Variants in ROCK2 observed in about 807,000 individuals in gnomAD.
ROCK2 encodes the protein rho-associated protein kinase 2.
ROCK2 carries 61 observed loss-of-function variants against 195.1 expected under a neutral mutation model. The observed-to-expected ratio is 0.31, with a 90% CI of 0.25 to 0.39. ROCK2 has a LOEUF of 0.39. Among genes scored for constraint, ROCK2 ranks in the 10% least tolerant of loss-of-function variants. The pLI, the probability that ROCK2 is intolerant of heterozygous loss-of-function variation, is 1.00. For synonymous variants in ROCK2, 504 were observed against 545.5 expected (o/e 0.92, Z 1.06); for missense variants, 1,109 against 1,637.4 (o/e 0.68, Z 5.57).
chr2:11,291,777 T>C (rs538140534), intron 1 of ROCK2, among the ~76,000 whole-genome samples: 17 of 152,226 alleles, frequency 1.1e-4, no homozygotes, highest in Admixed American at 7.8e-4. Context: ...TTTAAAGCTA[T>C]AAAACTGGGT....
intron 3 of ROCK2, among the ~76,000 whole-genome samples, chr2:11,273,319 T>C (rs1666712740): frequency 6.6e-6 from 1 of 152,110 alleles, no homozygotes; most frequent in South Asian, 2.1e-4. Flanking sequence ...AGTGGAAGGA[T>C]GGAAATAGTA....
chr2:11,252,927 A>G (rs1054050979), intron 3 of ROCK2, among the ~76,000 whole-genome samples: 1 of 146,472 alleles, frequency 6.8e-6, no homozygotes, highest in Non-Finnish European at 1.5e-5. Context: ...CATGTATCCC[A>G]GAACTTAAAA....
Position 11,235,877 on chromosome 2 carries a change from T to C in ROCK2, c.548A>G (p.Asn183Ser), listed in dbSNP as rs1170615120. Residue 183 changes from asparagine to serine, a missense_variant, in exon 5 of 33, where the codon AAT (asparagine) becomes AGT (serine). By Grantham distance (46) the Asn-to-Ser change is conservative. This residue lies in a region of ROCK2 where 253 missense variants were observed against 455.5 expected (regional missense o/e 0.56). Transcript: ENST00000315872. The surrounding 1 kb of genome is among the most constrained non-coding windows in gnomAD (Gnocchi z 4.2). ...GGCCCATTTTTCAGGCACATCATAA[T>C]TACTCATAAGGTTTACAAGGTCTCC... ...PGGDLVNLMSNYDVPEKWAKF... is the reference protein window; with the variant it reads ...PGGDLVNLMSSYDVPEKWAKF... The C allele has an allele frequency of 6.2e-7, 1 of 1,613,926 alleles. No homozygotes were observed. Among genetic ancestry groups the C allele is most frequent in the Non-Finnish European group, 8.5e-7 (1 of 1,179,920 alleles).
At chr2:11,214,587 T>G in intron 16 of ROCK2, 124 bp from the exon 17 acceptor site, 1 of 673,060 alleles carries the variant, frequency 1.5e-6, no homozygotes, top group Non-Finnish European at 2.5e-6. Context: ...AGTTTTATAC[T>G]TGTTGGTATT....
At chr2:11,298,154 A>G (rs1390858268) in intron 1 of ROCK2, among the ~76,000 whole-genome samples, 4 of 152,130 alleles carry the variant, frequency 2.6e-5, no homozygotes, top group African/African-American at 9.7e-5. Flanking sequence ...GGTGCATTGG[A>G]TAATAATGAA....
At position 11,205,218 on chromosome 2, in the gene ROCK2, A is replaced by G. The variant is rs1201749271; in HGVS notation, c.2549+2508T>C. On this transcript the variant is annotated intron_variant, in intron 20 of 32. Coordinates refer to ENST00000315872, the MANE Select transcript of ROCK2 (RefSeq NM_004850.5). ...TGGTGGGAGGTGCCTGGCTGCAGACATATCTGCAAGGTTAATGGTAGAGTA... is the reference window on the plus strand; with the variant it reads ...TGGTGGGAGGTGCCTGGCTGCAGACGTATCTGCAAGGTTAATGGTAGAGTA... Among the ~76,000 whole-genome samples the G allele has an allele frequency of 2.6e-5, 4 of 152,204 alleles. No individual in the cohort carries two copies. In the East Asian group the frequency reaches 7.7e-4, roughly 29 times the overall value.
chr2:11,292,714 CCT>C (rs1357643649), intron 1 of ROCK2, among the ~76,000 whole-genome samples: 2 of 152,104 alleles, frequency 1.3e-5, no homozygotes, highest in South Asian at 2.1e-4. Flanking sequence ...TAACACATTT[CCT>C]CTGTTTGCTA....
intron 1 of ROCK2, chr2:11,307,927 T>C: frequency 1.4e-6 from 2 of 1,407,914 alleles, no homozygotes; most frequent in Non-Finnish European, 1.9e-6. Context: ...GCGGTCCTCC[T>C]GGCCCTGTTA....
chr2:11,219,336 C>CAAAAAAAA lies in ROCK2; in HGVS notation c.1260-318_1260-311dup, dbSNP rs35159426. On this transcript the variant is annotated intron_variant, in intron 9 of 32. Coordinates refer to ENST00000315872, the MANE Select transcript of ROCK2 (RefSeq NM_004850.5). ...TCAACATGGTGAAACCTTATCTCTA[C>CAAAAAAAA]AAAAAAAAAAAAAAAAAAAAAAAAA... is the stretch of plus-strand genomic sequence containing the variant. Among the ~76,000 whole-genome samples the CAAAAAAAA allele has an allele frequency of 1.8e-3, 120 of 67,252 alleles. 4 individuals carry two copies. In the East Asian group the frequency reaches 0.018, roughly 10 times the overall value. 44.1% of individuals were successfully genotyped at this position (67,252 alleles called of 152,430 possible). A position where few individuals can be genotyped will look rare whatever the true frequency, so the allele number is the denominator to read the frequency against.
chr2:11,219,504 C>G (rs1664554215), intron 9 of ROCK2, among the ~76,000 whole-genome samples: 1 of 152,104 alleles, frequency 6.6e-6, no homozygotes, highest in African/African-American at 2.4e-5. Context: ...AAGTGAGACT[C>G]CATCTCAATC....
chr2:11,205,956 A>T (rs1164093413), intron 20 of ROCK2, among the ~76,000 whole-genome samples: 1 of 152,108 alleles, frequency 6.6e-6, no homozygotes, highest in East Asian at 1.9e-4. Flanking sequence ...TAAAAATACA[A>T]AAATAAGCCG....
chr2:11,253,851 T>A (rs373406675), intron 3 of ROCK2, among the ~76,000 whole-genome samples: 3 of 152,254 alleles, frequency 2.0e-5, no homozygotes, highest in African/African-American at 7.2e-5. Context: ...ATACTTATAT[T>A]GATGAAAATA....
At chr2:11,325,587 G>A (rs2148254943) in intron 1 of ROCK2, among the ~76,000 whole-genome samples, 1 of 152,270 alleles carries the variant, frequency 6.6e-6, no homozygotes, top group South Asian at 2.1e-4. Context: ...AGGAGTAAGG[G>A]ACAAGCGATA....
At chr2:11,324,727 T>C (rs761395046) in intron 1 of ROCK2, among the ~76,000 whole-genome samples, 2 of 152,226 alleles carry the variant, frequency 1.3e-5, no homozygotes, top group Non-Finnish European at 2.9e-5. Context: ...CACAGAAATC[T>C]AACAAGTTAG....
chr2:11,196,470 T>G (rs1447940512), intron 27 of ROCK2, among the ~76,000 whole-genome samples: 2 of 152,244 alleles, frequency 1.3e-5, no homozygotes, highest in Non-Finnish European at 2.9e-5. Flanking sequence ...ACTCCATTTC[T>G]CGCAAGTTGG....
intron 27 of ROCK2, among the ~76,000 whole-genome samples, chr2:11,196,891 GAA>G: frequency 6.6e-6 from 1 of 152,170 alleles, no homozygotes; most frequent in African/African-American, 2.4e-5. Context: ...AAGGAAGTAA[GAA>G]TGCAGAAAGA....
At chr2:11,222,905 C>T (rs1464884491) in intron 7 of ROCK2, among the ~76,000 whole-genome samples, 1 of 152,086 alleles carries the variant, frequency 6.6e-6, no homozygotes, top group Admixed American at 6.6e-5. Flanking sequence ...CCTTAGATTG[C>T]ACACCCCTGC....
intron 3 of ROCK2, among the ~76,000 whole-genome samples, chr2:11,284,584 A>C (rs1311542273): frequency 6.6e-6 from 1 of 152,196 alleles, no homozygotes; most frequent in Non-Finnish European, 1.5e-5. Context: ...TTTTTTAAAA[A>C]AACAGGCCAA....
chr2:11,287,178 T>A (rs1445501373), intron 2 of ROCK2, among the ~76,000 whole-genome samples: 2 of 152,182 alleles, frequency 1.3e-5, no homozygotes, highest in East Asian at 3.8e-4. Flanking sequence ...GAGAATTTCT[T>A]ATTCTTGGAA....
Sources: gnomAD v4.1 joint callset for allele counts (sites outside exome capture counted in the v4.1 genomes callset) on GRCh38, gnomAD v4.1.1 for gene constraint, gnomAD v4.1.1 regional missense constraint, Gnocchi (gnomAD v3.1) non-coding constraint, MANE v1.5 for transcripts, NCBI Gene and HGNC (gene_info 2026-07-23, HGNC 2026-07-21) for gene names.